FSHR: variants seen among roughly 807,000 people sequenced by gnomAD.
The protein encoded by FSHR is follicle-stimulating hormone receptor.
Under a neutral mutation model 52.1 loss-of-function variants are expected in FSHR, and 46 were observed. The ratio of observed to expected loss-of-function variants is 0.88; its 90% CI spans 0.70 to 1.13. The LOEUF is 1.13. Among genes scored for constraint, FSHR ranks in the 50% most tolerant of loss-of-function variants. The pLI is 0.00. For synonymous variants in FSHR, 399 were observed against 309.6 expected (o/e 1.29, Z -3.03); for missense variants, 964 against 834.6 (o/e 1.16, Z -1.91).
chr2:49,129,340 G>A (rs1012245816), intron 1 of FSHR, among the ~76,000 whole-genome samples: 3 of 152,136 alleles, frequency 2.0e-5, no homozygotes, highest in African/African-American at 7.2e-5. Flanking sequence ...CTAGTCAGTA[G>A]GGGCTGCTAA....
At chr2:48,999,219 A>G (rs968676272) in intron 4 of FSHR, among the ~76,000 whole-genome samples, 4 of 152,028 alleles carry the variant, frequency 2.6e-5, no homozygotes, top group African/African-American at 9.7e-5. Flanking sequence ...AACACTTCCT[A>G]TGTACCAGGT....
chr2:48,976,162 C>T (rs1347509090), intron 8 of FSHR, among the ~76,000 whole-genome samples: 2 of 152,182 alleles, frequency 1.3e-5, no homozygotes, highest in African/African-American at 2.4e-5. Context: ...TACGGTCCAT[C>T]AATACCTAGA....
intron 2 of FSHR, among the ~76,000 whole-genome samples, chr2:49,064,717 T>C (rs1669440028): frequency 6.6e-6 from 1 of 152,142 alleles, no homozygotes. Context: ...GTGTTGTACT[T>C]CAGTACGACG....
chr2:49,072,583 A>G, intron 1 of FSHR, among the ~76,000 whole-genome samples: 1 of 152,300 alleles, frequency 6.6e-6, no homozygotes, highest in East Asian at 1.9e-4. Context: ...TTTAATAAGA[A>G]ACATTGGTAA....
intron 1 of FSHR, among the ~76,000 whole-genome samples, chr2:49,148,384 G>T (rs1347935092): frequency 6.6e-6 from 1 of 152,018 alleles, no homozygotes; most frequent in African/African-American, 2.4e-5. Flanking sequence ...GTTCACTGCA[G>T]GAGAAAGTAA....
At chr2:49,042,006 C>T (rs941158520) in intron 2 of FSHR, among the ~76,000 whole-genome samples, 6 of 152,026 alleles carry the variant, frequency 3.9e-5, no homozygotes, top group South Asian at 4.2e-4. Flanking sequence ...TAGTTGTGTG[C>T]GGTGGTGTGG....
chr2:49,074,505 C>G (rs1295462481), intron 1 of FSHR, among the ~76,000 whole-genome samples: 1 of 151,972 alleles, frequency 6.6e-6, no homozygotes, highest in East Asian at 1.9e-4. Context: ...CTCAAAAGGA[C>G]AACAAAATAA....
intron 1 of FSHR, among the ~76,000 whole-genome samples, chr2:49,118,069 T>C (rs1026046911): frequency 6.6e-6 from 1 of 152,190 alleles, no homozygotes; most frequent in Admixed American, 6.5e-5. Flanking sequence ...GTGTAGCCGA[T>C]GGCTCTGAGG....
At chr2:49,099,131 G>A (rs1175577223) in intron 1 of FSHR, among the ~76,000 whole-genome samples, 1 of 151,956 alleles carries the variant, frequency 6.6e-6, no homozygotes, top group African/African-American at 2.4e-5. Flanking sequence ...ATATGTTGAA[G>A]TCTTTGACAT....
intron 2 of FSHR, among the ~76,000 whole-genome samples, chr2:49,051,810 T>G (rs1238647544): frequency 6.6e-6 from 1 of 152,164 alleles, no homozygotes; most frequent in African/African-American, 2.4e-5. Context: ...CCTAACAGTT[T>G]TAAAATTTTA....
At chr2:49,078,622 TAA>T (rs958620584) in intron 1 of FSHR, among the ~76,000 whole-genome samples, 42 of 141,854 alleles carry the variant, frequency 3.0e-4, no homozygotes, top group African/African-American at 1.3e-3. Context: ...ATAAATAAAT[TAA>T]AAGAGAAAAA....
chr2:48,985,673 T>G, intron 6 of FSHR, among the ~76,000 whole-genome samples: 1 of 151,592 alleles, frequency 6.6e-6, no homozygotes. Flanking sequence ...TTTTCAACTT[T>G]CAGTTTCAGG....
intron 1 of FSHR, among the ~76,000 whole-genome samples, chr2:49,148,479 A>G (rs1377732925): frequency 6.6e-6 from 1 of 152,116 alleles, no homozygotes; most frequent in Non-Finnish European, 1.5e-5. Flanking sequence ...TTATCGAATC[A>G]TTTGTACTAC....
intron 1 of FSHR, among the ~76,000 whole-genome samples, chr2:49,127,784 C>CTTCTTCTTG (rs1672073221): frequency 4.0e-5 from 2 of 50,252 alleles, no homozygotes; most frequent in Non-Finnish European, 7.3e-5. Flanking sequence ...TCTTCTTCTT[C>CTTCTTCTTG]TTCTTCTTCT....
rs1260756317 is a variant in FSHR at position 48,963,415 on chromosome 2, T to C, written c.1406A>G (p.His469Arg). 1 of 1,614,044 alleles carries C rather than the reference T, an allele frequency of 6.2e-7. No individual in the cohort carries two copies. The highest frequency in any genetic ancestry group is 8.5e-7 in the Non-Finnish European group (1 of 1,180,022). The change falls in exon 10 of 10, where the codon CAT becomes CGT. Residue 469 changes from histidine (H) to arginine (R), a missense_variant. Coordinates refer to ENST00000406846, the MANE Select transcript of FSHR (RefSeq NM_000145.4). ...TLTAITLERWHTITHAMQLDC... is the reference protein window; with the variant it reads ...TLTAITLERWRTITHAMQLDC... ...CAGCTGCATGGCATGCGTGATGGTA[T>C]GCCATCTTTCCAAGGTGATAGCTGT...
chr2:48,990,527 T>G, intron 5 of FSHR, 39 bp downstream of exon 5: 1 of 1,297,458 alleles, frequency 7.7e-7, no homozygotes, highest in Non-Finnish European at 1.1e-6. Flanking sequence ...AGACAGATAC[T>G]GAGTAAAGAG....
At chr2:49,076,877 T>C (rs1487571419) in intron 1 of FSHR, among the ~76,000 whole-genome samples, 2 of 152,208 alleles carry the variant, frequency 1.3e-5, no homozygotes, top group African/African-American at 4.8e-5. Flanking sequence ...ATGATCTGTT[T>C]TGACTCCATT....
At chr2:49,132,710 G>C (rs915345547) in intron 1 of FSHR, among the ~76,000 whole-genome samples, 27 of 152,126 alleles carry the variant, frequency 1.8e-4, no homozygotes, top group African/African-American at 6.5e-4. Flanking sequence ...GAACTTCAAA[G>C]ATGATAATCC....
At chr2:49,086,743 T>C (rs909361720) in intron 1 of FSHR, among the ~76,000 whole-genome samples, 2 of 152,158 alleles carry the variant, frequency 1.3e-5, no homozygotes, top group Non-Finnish European at 2.9e-5. Flanking sequence ...CAGGTTCAAG[T>C]GATTCTCCCA....
Sources: allele counts gnomAD v4.1 joint callset (sites outside exome capture counted in the v4.1 genomes callset), GRCh38; gene constraint gnomAD v4.1.1; transcripts MANE v1.5; gene names NCBI Gene and HGNC (gene_info 2026-07-23, HGNC 2026-07-21).